Variants in SUGCT observed in about 807,000 individuals in gnomAD.
The protein encoded by SUGCT is succinyl-CoA:glutarate-CoA transferase.
SUGCT carries 41 observed loss-of-function variants against 55.0 expected under a neutral mutation model. That is an observed-to-expected ratio of 0.74 (90% CI 0.58 to 0.97). The LOEUF (loss-of-function observed/expected upper bound fraction) is 0.97. SUGCT is among the 50% of genes least tolerant of loss of function. The pLI is 0.00. For missense variants in SUGCT, 568 were observed against 547.8 expected (o/e 1.04, Z -0.37); for synonymous variants, 187 against 200.4 (o/e 0.93, Z 0.56).
chr7:40,406,263 A>G (rs1171493571), intron 9 of SUGCT, among the ~76,000 whole-genome samples: 12 of 152,084 alleles, frequency 7.9e-5, no homozygotes, highest in Non-Finnish European at 1.6e-4. Context: ...TCCAATACCA[A>G]TCTTAGGTTT....
chr7:40,432,709 A>G (rs915363387), intron 9 of SUGCT, among the ~76,000 whole-genome samples: 1 of 143,888 alleles, frequency 6.9e-6, no homozygotes, highest in African/African-American at 2.5e-5. Context: ...AAAAAAAAAA[A>G]AAAAATCAAA....
chr7:40,167,831 G>A (rs192226197), intron 1 of SUGCT, among the ~76,000 whole-genome samples: 1 of 152,190 alleles, frequency 6.6e-6, no homozygotes, highest in Admixed American at 6.5e-5. Flanking sequence ...GCAGCAAACA[G>A]CAGTGGTGGA....
At chr7:40,238,383 A>T (rs971714107) in intron 7 of SUGCT, among the ~76,000 whole-genome samples, 1 of 151,880 alleles carries the variant, frequency 6.6e-6, no homozygotes, top group Non-Finnish European at 1.5e-5. Flanking sequence ...TGGTTAGATT[A>T]AAAAAAAGGC....
intron 9 of SUGCT, among the ~76,000 whole-genome samples, chr7:40,335,264 G>A (rs572838152): frequency 6.7e-6 from 1 of 150,278 alleles, no homozygotes; most frequent in South Asian, 2.1e-4. Context: ...ATGAACTTTA[G>A]TTTTTTCCAA....
chr7:40,503,210 A>G (rs771061497), intron 12 of SUGCT, among the ~76,000 whole-genome samples: 1 of 152,152 alleles, frequency 6.6e-6, no homozygotes, highest in Non-Finnish European at 1.5e-5. Context: ...GAATATATGT[A>G]GAGACGTAGT....
chr7:40,315,088 T>C (rs1218076749), intron 8 of SUGCT, among the ~76,000 whole-genome samples: 1 of 149,046 alleles, frequency 6.7e-6, no homozygotes, highest in Non-Finnish European at 1.5e-5. Context: ...TATTATTTGG[T>C]TGAATACGAG....
chr7:40,161,764 A>G (rs1454891268), intron 1 of SUGCT, among the ~76,000 whole-genome samples: 1 of 152,170 alleles, frequency 6.6e-6, no homozygotes, highest in Non-Finnish European at 1.5e-5. Flanking sequence ...TGGCCCGTTA[A>G]AGAAGCCTGA....
At chr7:40,829,795 C>T (rs1211364439) in intron 13 of SUGCT, among the ~76,000 whole-genome samples, 1 of 152,080 alleles carries the variant, frequency 6.6e-6, no homozygotes, top group African/African-American at 2.4e-5. Context: ...TGGAGGCCTC[C>T]CCAGTGTCTC....
At chr7:40,846,904 A>T (rs1416672164) in intron 13 of SUGCT, among the ~76,000 whole-genome samples, 1 of 152,204 alleles carries the variant, frequency 6.6e-6, no homozygotes, top group Non-Finnish European at 1.5e-5. Flanking sequence ...TGTCATAATG[A>T]TCCTACCTTT....
At chr7:40,996,936 A>G in the SUGCT span, among the ~76,000 whole-genome samples, 3 of 152,182 alleles carry the variant, frequency 2.0e-5, no homozygotes, top group South Asian at 4.1e-4. Flanking sequence ...ACTAATCCCA[A>G]CTGTCAATGG....
rs184136963 is a variant in SUGCT at position 40,391,304 on chromosome 7, G to A, written c.817-57983G>A. On this transcript the variant is annotated intron_variant, in intron 9 of 13. Transcript: ENST00000335693. ...AAATGGGATCTAATTAAACTAAAGA[G>A]CTTCTGCACAGCAAAAGAAACTACC... is the stretch of plus-strand genomic sequence containing the variant. Among the ~76,000 whole-genome samples the A allele has an allele frequency of 1.4e-4, 21 of 152,290 alleles. No individual in the cohort carries two copies. In the East Asian group the frequency reaches 3.5e-3, roughly 25 times the overall value.
chr7:40,942,924 A>G, the SUGCT span, among the ~76,000 whole-genome samples: 1 of 152,224 alleles, frequency 6.6e-6, no homozygotes, highest in South Asian at 2.1e-4. Context: ...TACTTTTTAA[A>G]AAATATCTGT....
At chr7:40,408,028 G>A (rs1786474611) in intron 9 of SUGCT, among the ~76,000 whole-genome samples, 1 of 151,990 alleles carries the variant, frequency 6.6e-6, no homozygotes, top group African/African-American at 2.4e-5. Flanking sequence ...CTTTTCTGTA[G>A]TCTTTTGGTA....
At chr7:40,273,302 CAATT>C (rs1426610008) in intron 7 of SUGCT, among the ~76,000 whole-genome samples, 2 of 152,088 alleles carry the variant, frequency 1.3e-5, no homozygotes, top group African/African-American at 4.8e-5. Context: ...TTTTGCAAAA[CAATT>C]AACATGGTTT....
chr7:40,748,826 T>C (rs1265544507), intron 12 of SUGCT, among the ~76,000 whole-genome samples: 1 of 152,178 alleles, frequency 6.6e-6, no homozygotes, highest in Non-Finnish European at 1.5e-5. Flanking sequence ...AAAATGTTCC[T>C]GGTTCAGCTT....
chr7:40,263,434 A>G (rs1184231675), intron 7 of SUGCT, among the ~76,000 whole-genome samples: 12 of 152,314 alleles, frequency 7.9e-5, no homozygotes, highest in Admixed American at 2.6e-4. Context: ...AGCCCTGAGG[A>G]AGGCATTTGA....
intron 8 of SUGCT, among the ~76,000 whole-genome samples, chr7:40,310,747 CTAT>C (rs1213109990): frequency 1.3e-5 from 2 of 152,162 alleles, no homozygotes; most frequent in Non-Finnish European, 2.9e-5. Flanking sequence ...TATTTATCTT[CTAT>C]TGTTATATAC....
the SUGCT span, among the ~76,000 whole-genome samples, chr7:40,903,085 G>A: frequency 0.015 from 2,241 of 149,294 alleles, 58 homozygotes; most frequent in African/African-American, 0.053. Flanking sequence ...AGGCTGAAAT[G>A]CAGTGGTGCG....
chr7:40,801,721 C>G (rs1790824655), intron 13 of SUGCT, among the ~76,000 whole-genome samples: 1 of 151,928 alleles, frequency 6.6e-6, no homozygotes, highest in African/African-American at 2.4e-5. Flanking sequence ...TCAAATTGGG[C>G]TGAACTTTGA....
Sources: gnomAD v4.1 joint callset for allele counts (sites outside exome capture counted in the v4.1 genomes callset) on GRCh38, gnomAD v4.1.1 for gene constraint, MANE v1.5 for transcripts, NCBI Gene and HGNC (gene_info 2026-07-23, HGNC 2026-07-21) for gene names.